The following CCDC91 variants were observed in gnomAD, a reference collection of about 807,000 sequenced individuals.
CCDC91 encodes the protein coiled-coil domain containing 91, also known as coiled-coil domain-containing protein 91.
In CCDC91, 48 loss-of-function variants were observed where a neutral mutation model predicts 63.2. That is an observed-to-expected ratio of 0.76 (90% CI 0.60 to 0.97). CCDC91 has a LOEUF of 0.97. Among genes scored for constraint, CCDC91 ranks in the 50% least tolerant of loss-of-function variants. CCDC91 has a pLI of 0.00. For missense variants in CCDC91, 500 were observed against 494.6 expected, an observed-to-expected ratio of 1.01 and a Z score of -0.10; for synonymous variants, 167 against 165.8, an observed-to-expected ratio of 1.01 and a Z score of -0.06.
chr12:28,376,002 G>A (rs1944920323), intron 7 of CCDC91, among the ~76,000 whole-genome samples: 2 of 151,868 alleles, frequency 1.3e-5, no homozygotes, highest in South Asian at 2.1e-4. Context: ...CTTCTACAGT[G>A]CATAGTAAAT....
At chr12:28,250,743 T>A (rs977867183) in intron 1 of CCDC91, among the ~76,000 whole-genome samples, 2 of 152,086 alleles carry the variant, frequency 1.3e-5, no homozygotes, top group Admixed American at 6.5e-5. Flanking sequence ...GCCCTTACTA[T>A]GTGCTAGGAA....
intron 6 of CCDC91, among the ~76,000 whole-genome samples, chr12:28,323,368 G>A (rs1250703658): frequency 6.6e-6 from 1 of 151,710 alleles, no homozygotes; most frequent in Non-Finnish European, 1.5e-5. Flanking sequence ...TTGTTACCAT[G>A]ACAATATTTG....
intron 6 of CCDC91, among the ~76,000 whole-genome samples, chr12:28,318,189 A>G (rs1940100257): frequency 6.6e-6 from 1 of 151,900 alleles, no homozygotes; most frequent in African/African-American, 2.4e-5. Context: ...AACAAAAACA[A>G]TTTATTACTT....
intron 11 of CCDC91, among the ~76,000 whole-genome samples, chr12:28,465,098 A>G (rs1433635967): frequency 4.6e-5 from 7 of 152,206 alleles, no homozygotes; most frequent in Admixed American, 3.3e-4. Context: ...CCTGAGGTGC[A>G]GTAGCCATTG....
chr12:28,350,970 G>T (rs1471509234), intron 6 of CCDC91, among the ~76,000 whole-genome samples: 6 of 152,106 alleles, frequency 3.9e-5, no homozygotes, highest in Admixed American at 1.3e-4. Context: ...TAGGTACCAA[G>T]GATTAGGACT....
intron 3 of CCDC91, among the ~76,000 whole-genome samples, chr12:28,277,644 A>AT (rs1197614850): frequency 6.6e-6 from 1 of 151,966 alleles, no homozygotes; most frequent in East Asian, 1.9e-4. Flanking sequence ...CCTGTAGTCA[A>AT]TTTTTTTCTA....
chr12:28,267,464 G>A (rs1337823396), intron 3 of CCDC91, among the ~76,000 whole-genome samples: 1 of 150,376 alleles, frequency 6.6e-6, no homozygotes, highest in Non-Finnish European at 1.5e-5. Flanking sequence ...GAATATTCTT[G>A]TATTTTCAGC....
At chr12:28,470,998 A>G (rs1394178556) in intron 11 of CCDC91, among the ~76,000 whole-genome samples, 4 of 152,174 alleles carry the variant, frequency 2.6e-5, no homozygotes, top group Non-Finnish European at 1.5e-5. Flanking sequence ...AAATTAGACA[A>G]TCAATTCAAG....
chr12:28,449,316 A>G (rs888402522), intron 8 of CCDC91, among the ~76,000 whole-genome samples: 8 of 152,258 alleles, frequency 5.3e-5, no homozygotes, highest in Admixed American at 2.6e-4. Context: ...AGGCTTGGAT[A>G]TAAATAGCAT....
intron 3 of CCDC91, among the ~76,000 whole-genome samples, chr12:28,265,762 A>T (rs559935198): frequency 3.0e-4 from 45 of 152,096 alleles, no homozygotes; most frequent in Non-Finnish European, 6.2e-4. Context: ...AGTAATAATG[A>T]ATGTTAATCA....
intron 12 of CCDC91, among the ~76,000 whole-genome samples, chr12:28,536,918 C>A (rs1237281415): frequency 5.9e-5 from 9 of 152,080 alleles, no homozygotes; most frequent in Admixed American, 5.9e-4. Flanking sequence ...AATATTGAGA[C>A]TGAAACTGAT....
At chr12:28,267,836 TATATATAATTATATAGTA>T (rs1352122265) in intron 3 of CCDC91, among the ~76,000 whole-genome samples, 2 of 26,882 alleles carry the variant, frequency 7.4e-5, no homozygotes, top group African/African-American at 1.2e-4. Flanking sequence ...AATATATAAT[TATATATAATTATATAGTA>T]ATATATAATT....
chr12:28,482,282 A>T (rs988583222), intron 11 of CCDC91, among the ~76,000 whole-genome samples: 12 of 141,970 alleles, frequency 8.5e-5, no homozygotes, highest in Admixed American at 2.8e-4. Flanking sequence ...GAATAGTTTT[A>T]TTCTTATGTT....
chr12:28,384,834 A>ATTC (rs769943431), intron 7 of CCDC91, among the ~76,000 whole-genome samples: 2 of 152,132 alleles, frequency 1.3e-5, no homozygotes, highest in Non-Finnish European at 2.9e-5. Context: ...AAAATAGATG[A>ATTC]ATGATTCTGT....
At chr12:28,465,436 TAG>T (rs1259112897) in intron 11 of CCDC91, among the ~76,000 whole-genome samples, 1 of 152,172 alleles carries the variant, frequency 6.6e-6, no homozygotes, top group Non-Finnish European at 1.5e-5. Context: ...AGCACAGTCC[TAG>T]GGGTGGTGGC....
chr12:28,487,835 G>C (rs1179883662), intron 12 of CCDC91, among the ~76,000 whole-genome samples: 1 of 151,520 alleles, frequency 6.6e-6, no homozygotes, highest in Non-Finnish European at 1.5e-5. Context: ...TTTGTCCTTT[G>C]TCCTAGTAGT....
rs1358695240 is a variant in CCDC91 at position 28,276,429 on chromosome 12, A to G, written c.109+16987A>G. On this transcript the variant is annotated intron_variant, in intron 3 of 12. Coordinates refer to ENST00000536442, the MANE Select transcript of CCDC91 (RefSeq NM_018318.5). ...ACAGGCAATCATACTTCACAAGTGC[A>G]TGAGGAAAATAACTATTTTCTTTCT... Among the ~76,000 whole-genome samples the G allele has an allele frequency of 8.6e-5, 13 of 152,042 alleles. No homozygotes were observed. The East Asian group carries it at 9.6e-4, about 11-fold the overall frequency.
chr12:28,284,096 A>C (rs993140465), intron 3 of CCDC91, among the ~76,000 whole-genome samples: 1 of 152,114 alleles, frequency 6.6e-6, no homozygotes, highest in Admixed American at 6.5e-5. Context: ...AATTGTAAAC[A>C]TTCATGATAC....
chr12:28,284,944 C>T (rs905521849), intron 3 of CCDC91, among the ~76,000 whole-genome samples: 1 of 152,164 alleles, frequency 6.6e-6, no homozygotes, highest in Non-Finnish European at 1.5e-5. Context: ...ACATAACTCT[C>T]TTTGTATGAA....
Sources: allele counts gnomAD v4.1 joint callset (sites outside exome capture counted in the v4.1 genomes callset), GRCh38; gene constraint gnomAD v4.1.1; transcripts MANE v1.5; gene names NCBI Gene and HGNC (gene_info 2026-07-23, HGNC 2026-07-21).